Variants in STK3 observed in about 807,000 individuals in gnomAD.
STK3 encodes the protein serine/threonine kinase 3, also known as serine/threonine-protein kinase 3.
In STK3, 41 loss-of-function variants were observed where a neutral mutation model predicts 58.0. The ratio of observed to expected loss-of-function variants is 0.71; its 90% confidence interval spans 0.55 to 0.92. The LOEUF (loss-of-function observed/expected upper bound fraction) is 0.92. STK3 is among the 40% of genes least tolerant of loss of function. The probability of loss-of-function intolerance (pLI) is 0.00; values close to 1 mark genes in which losing one functional copy is unlikely to be tolerated. For missense variants in STK3, 479 were observed against 602.7 expected (o/e 0.79, Z 2.15); for synonymous variants, 170 against 191.0 (o/e 0.89, Z 0.91).
At chr8:98,873,577 C>T (rs1261831464) in intron 3 of STK3, among the ~76,000 whole-genome samples, 1 of 152,084 alleles carries the variant, frequency 6.6e-6, no homozygotes, top group Non-Finnish European at 1.5e-5. Context: ...TGAATTGATC[C>T]CTTTACCATT....
intron 10 of STK3, among the ~76,000 whole-genome samples, chr8:98,489,907 GA>G (rs940500175): frequency 1.3e-5 from 2 of 151,820 alleles, no homozygotes; most frequent in Admixed American, 6.6e-5. Flanking sequence ...TTGGCAAAAA[GA>G]AAAAAACACC....
At chr8:98,877,599 T>C (rs1035973619) in intron 3 of STK3, among the ~76,000 whole-genome samples, 72 of 152,300 alleles carry the variant, frequency 4.7e-4, no homozygotes, top group African/African-American at 1.6e-3. Context: ...TTCTCCTGCC[T>C]CAGCCTCTCA....
At chr8:98,604,990 A>G (rs1468673718) in intron 6 of STK3, among the ~76,000 whole-genome samples, 2 of 152,196 alleles carry the variant, frequency 1.3e-5, no homozygotes, top group African/African-American at 4.8e-5. Context: ...ATGCATAACA[A>G]AAGTGACATT....
At chr8:98,840,666 A>G (rs928665546) in intron 3 of STK3, among the ~76,000 whole-genome samples, 1 of 148,788 alleles carries the variant, frequency 6.7e-6, no homozygotes, top group African/African-American at 2.5e-5. Flanking sequence ...ATATACACAC[A>G]CATAACTTAT....
At chr8:98,793,446 G>A (rs554293613) in intron 1 of STK3, among the ~76,000 whole-genome samples, 41 of 152,290 alleles carry the variant, frequency 2.7e-4, no homozygotes, top group Middle Eastern at 3.4e-3. Flanking sequence ...GCTGAGATGG[G>A]AGAATCACCT....
chr8:98,483,581 A>T (rs1036875398), intron 10 of STK3, among the ~76,000 whole-genome samples: 1 of 152,208 alleles, frequency 6.6e-6, no homozygotes. Flanking sequence ...TAAGGCAGTA[A>T]ATACATAGTC....
chr8:98,701,276 A>G (rs1482671117), intron 6 of STK3, among the ~76,000 whole-genome samples: 1 of 152,038 alleles, frequency 6.6e-6, no homozygotes, highest in African/African-American at 2.4e-5. Flanking sequence ...AAGGAAGGAA[A>G]TGATACTATT....
chr8:98,801,640 G>A (rs1269872891), intron 1 of STK3, among the ~76,000 whole-genome samples: 1 of 152,036 alleles, frequency 6.6e-6, no homozygotes, highest in African/African-American at 2.4e-5. Flanking sequence ...CCCACCAGAA[G>A]GAAGAAACTC....
At chr8:98,352,224 G>A in the STK3 span, among the ~76,000 whole-genome samples, 1 of 151,428 alleles carries the variant, frequency 6.6e-6, no homozygotes, top group Non-Finnish European at 1.5e-5. Flanking sequence ...CAAAAGATAG[G>A]AACATTTTGG....
intron 1 of STK3, among the ~76,000 whole-genome samples, chr8:98,935,658 C>T (rs1840168301): frequency 6.6e-6 from 1 of 152,132 alleles, no homozygotes; most frequent in Admixed American, 6.5e-5. Context: ...GACATTTTCT[C>T]TTGGTAAAAG....
chr8:98,634,448 G>A (rs894399563), intron 6 of STK3, among the ~76,000 whole-genome samples: 6 of 152,026 alleles, frequency 3.9e-5, no homozygotes, highest in African/African-American at 1.2e-4. Flanking sequence ...TCCAGTGAGC[G>A]GAGATCGTGC....
chr8:98,859,812 A>AAT (rs1425498842), intron 3 of STK3, among the ~76,000 whole-genome samples: 6 of 152,334 alleles, frequency 3.9e-5, no homozygotes, highest in African/African-American at 1.4e-4. Context: ...GGGCTCTGAT[A>AAT]GTCACCAGAA....
At chr8:98,494,618 G>A (rs1237255952) in intron 10 of STK3, among the ~76,000 whole-genome samples, 2 of 121,520 alleles carry the variant, frequency 1.6e-5, no homozygotes, top group Non-Finnish European at 3.2e-5. Flanking sequence ...TGGTGCCACT[G>A]CACACTAGTC....
At chr8:98,796,260 T>C (rs993801625) in intron 1 of STK3, among the ~76,000 whole-genome samples, 5 of 152,166 alleles carry the variant, frequency 3.3e-5, no homozygotes, top group Non-Finnish European at 7.4e-5. Context: ...AAGGCTACTT[T>C]AACCAAAAAA....
intron 3 of STK3, among the ~76,000 whole-genome samples, chr8:98,766,133 A>C (rs923500266): frequency 8.5e-5 from 13 of 152,214 alleles, no homozygotes; most frequent in African/African-American, 3.1e-4. Flanking sequence ...TGGCTGAGGA[A>C]GATGCCCTGC....
At chr8:98,742,393 G>T (rs1472305912) in intron 4 of STK3, among the ~76,000 whole-genome samples, 1 of 127,054 alleles carries the variant, frequency 7.9e-6, no homozygotes, top group African/African-American at 3.0e-5. Flanking sequence ...ATGACCAAGT[G>T]GGATTCATCC....
At chr8:98,761,618 T>C (rs191249698) in intron 3 of STK3, among the ~76,000 whole-genome samples, 182 of 152,318 alleles carry the variant, frequency 1.2e-3, no homozygotes, top group African/African-American at 4.0e-3. Flanking sequence ...TATAACTTAG[T>C]ATGGTAATAC....
At chr8:98,601,128 C>CCCA (rs1426390270) in intron 6 of STK3, among the ~76,000 whole-genome samples, 1 of 151,908 alleles carries the variant, frequency 6.6e-6, no homozygotes, top group Non-Finnish European at 1.5e-5. Flanking sequence ...ATTGCTTGAG[C>CCCA]CCAGGAGCTC....
intron 3 of STK3, among the ~76,000 whole-genome samples, chr8:98,837,110 C>T (rs554519757): frequency 2.6e-5 from 4 of 152,152 alleles, no homozygotes; most frequent in East Asian, 1.9e-4. Flanking sequence ...CAGATACCCC[C>T]GGAGGTACCT....
Sources: gnomAD v4.1 joint callset for allele counts (sites outside exome capture counted in the v4.1 genomes callset) on GRCh38, gnomAD v4.1.1 for gene constraint, MANE v1.5 for transcripts, NCBI Gene and HGNC (gene_info 2026-07-23, HGNC 2026-07-21) for gene names.